Variants in STX18 observed in about 807,000 individuals in gnomAD.
The protein encoded by STX18 is syntaxin 18, also known as syntaxin-18.
A neutral mutation model predicts 50.1 loss-of-function variants in STX18; 40 were observed. The observed-to-expected ratio is 0.80, with a 90% CI of 0.62 to 1.04. The LOEUF (loss-of-function observed/expected upper bound fraction) is 1.04, where lower values mean the gene tolerates loss of function less well. Among genes scored for constraint, STX18 ranks in the 50% least tolerant of loss-of-function variants. STX18 has a pLI of 0.00. For missense variants in STX18, 410 were observed against 415.8 expected (o/e 0.99, Z 0.12); for synonymous variants, 158 against 151.8 (o/e 1.04, Z -0.30).
chr4:4,434,433 G>C (rs952719246), intron 7 of STX18, among the ~76,000 whole-genome samples: 2 of 152,114 alleles, frequency 1.3e-5, no homozygotes, highest in Non-Finnish European at 2.9e-5. Flanking sequence ...CATAGCACTA[G>C]CAATTCAAAC....
chr4:4,482,974 C>T (rs573123698), intron 1 of STX18, among the ~76,000 whole-genome samples: 70 of 152,246 alleles, frequency 4.6e-4, no homozygotes, highest in African/African-American at 1.7e-3. Flanking sequence ...TACGGGACTG[C>T]GGCTTCCAGA....
intron 1 of STX18, chr4:4,499,499 C>T (rs935943693): frequency 8.1e-6 from 8 of 985,266 alleles, no homozygotes; most frequent in Non-Finnish European, 9.6e-6. Flanking sequence ...TGCTTGCCCA[C>T]GTTGTACTGC....
intron 9 of STX18, 30 bp downstream of exon 9, chr4:4,423,488 C>T (rs1181124415): frequency 6.2e-7 from 1 of 1,610,074 alleles, no homozygotes; most frequent in African/African-American, 1.3e-5. Flanking sequence ...TGAGTGAAAA[C>T]ATACAGCTCC....
intron 4 of STX18, 79 bp downstream of exon 4, chr4:4,457,344 T>A (rs1031071964): frequency 1.9e-6 from 3 of 1,560,524 alleles, no homozygotes; most frequent in East Asian, 2.2e-5. Context: ...GATACTACAG[T>A]CTTCAGCTAG....
chr4:4,456,358 A>C (rs1044049219), intron 5 of STX18, among the ~76,000 whole-genome samples: 5 of 152,214 alleles, frequency 3.3e-5, no homozygotes, highest in African/African-American at 1.2e-4. Context: ...TTCTAAAGCT[A>C]GTCTAGAAAT....
In STX18 at chr4:4,420,639, T is replaced by C. The variant is rs1316452737; in HGVS notation, c.912+225A>G. 1 of 556,804 alleles carries C rather than the reference T, an allele frequency of 1.8e-6. No individual in the cohort carries two copies. Among genetic ancestry groups the C allele is most frequent in the African/African-American group, 1.9e-5 (1 of 52,428 alleles). The allele number at this position is 556,804 out of a possible 1,614,324, so 34.5% of individuals were successfully genotyped here. A position where few individuals can be genotyped will look rare whatever the true frequency, so the allele number is the denominator to read the frequency against. On this transcript the variant is annotated intron_variant, in intron 10 of 10. Coordinates refer to ENST00000306200, the MANE Select transcript of STX18 (RefSeq NM_016930.4). This position sits in a 1 kb window ranked among gnomAD's most constrained non-coding sequence, Gnocchi z 4.3. Reference sequence around the variant, plus strand: ...AGTACCCCCACCCACCCTGGATTGCTCCTTTGGAGGCTGGTGAGCCACTGC... The same window carrying C: ...AGTACCCCCACCCACCCTGGATTGCCCCTTTGGAGGCTGGTGAGCCACTGC...
chr4:4,481,414 C>T (rs1297476848), intron 1 of STX18, among the ~76,000 whole-genome samples: 2 of 152,212 alleles, frequency 1.3e-5, no homozygotes. Context: ...ATTAAAGAGA[C>T]TCCAGTAGGT....
At chr4:4,509,070 TA>T (rs1201638101) in intron 1 of STX18, among the ~76,000 whole-genome samples, 1 of 152,230 alleles carries the variant, frequency 6.6e-6, no homozygotes, top group African/African-American at 2.4e-5. Flanking sequence ...TTTCTTTGGA[TA>T]GATACCCACT....
intron 1 of STX18, among the ~76,000 whole-genome samples, chr4:4,512,721 T>C (rs1414435333): frequency 1.3e-5 from 2 of 152,150 alleles, no homozygotes; most frequent in Admixed American, 1.3e-4. Flanking sequence ...ATACACAATA[T>C]CTAAGCTTGA....
In STX18 at chr4:4,420,154, G is replaced by GT. The variant is rs749274938; in HGVS notation, c.913-26dup. The GT allele has an allele frequency of 3.2e-6, 5 of 1,584,488 alleles. No homozygotes were observed. In the Admixed American group the frequency reaches 8.9e-5, roughly 28 times the overall value. On this transcript the variant is annotated intron_variant, in intron 10 of 10. Coordinates refer to ENST00000306200, the MANE Select transcript of STX18 (RefSeq NM_016930.4). This position sits in a 1 kb window ranked among gnomAD's most constrained non-coding sequence, Gnocchi z 4.3. ...CCTGGGCAGGGACGGGAGCACAGGT[G>GT]TTTTTATCACACAGGATTTTGGTTT...
At chr4:4,511,318 A>G (rs1029944618) in intron 1 of STX18, among the ~76,000 whole-genome samples, 1 of 152,248 alleles carries the variant, frequency 6.6e-6, no homozygotes, top group African/African-American at 2.4e-5. Context: ...TCCTTGTGCC[A>G]GCAATGCTTT....
At chr4:4,452,016 C>T (rs925715974) in intron 5 of STX18, among the ~76,000 whole-genome samples, 12 of 152,184 alleles carry the variant, frequency 7.9e-5, no homozygotes, top group Non-Finnish European at 1.5e-4. Context: ...AGTGCTACTC[C>T]AGTGAATATC....
At chr4:4,530,624 A>T (rs909891040) in intron 1 of STX18, among the ~76,000 whole-genome samples, 5 of 152,134 alleles carry the variant, frequency 3.3e-5, no homozygotes, top group African/African-American at 1.2e-4. Context: ...CTGCTGCTGC[A>T]AACTTTGTTT....
At chr4:4,528,066 C>T (rs1327968476) in intron 1 of STX18, among the ~76,000 whole-genome samples, 1 of 152,036 alleles carries the variant, frequency 6.6e-6, no homozygotes, top group Non-Finnish European at 1.5e-5. Context: ...TAGACTTACA[C>T]AGCGGAAAAA....
chr4:4,426,772 A>C (rs28669214), intron 7 of STX18, among the ~76,000 whole-genome samples: 56,633 of 152,054 alleles, frequency 0.37, 15,367 homozygotes, highest in African/African-American at 0.77. Flanking sequence ...ATCCTTGGTC[A>C]AAGTGATCTC....
rs185509520 is a variant in STX18 at position 4,460,559 on chromosome 4, C to A, written c.237-1072G>T. On this transcript the variant is annotated intron_variant, in intron 2 of 10. Transcript: ENST00000306200. ...TCACTCCCAATCACCAGATAAGCAT[C>A]CTCTCCTCCCTTGGAGTCACCCCTA... is the stretch of plus-strand genomic sequence containing the variant. Among the ~76,000 whole-genome samples, 448 of 152,234 alleles carry A rather than the reference C, an allele frequency of 2.9e-3. 3 individuals are homozygous for A. Among genetic ancestry groups the A allele is most frequent in the African/African-American group, 0.01 (431 of 41,530 alleles).
intron 1 of STX18, among the ~76,000 whole-genome samples, chr4:4,501,804 G>A (rs1729474458): frequency 6.6e-6 from 1 of 152,098 alleles, no homozygotes; most frequent in South Asian, 2.1e-4. Context: ...ATTTACTTCT[G>A]GTATTTAAAT....
At chr4:4,489,177 T>A (rs1166917170) in intron 1 of STX18, among the ~76,000 whole-genome samples, 5 of 152,062 alleles carry the variant, frequency 3.3e-5, no homozygotes, top group Non-Finnish European at 7.4e-5. Flanking sequence ...TTCAACTAAG[T>A]GAATGGGAAT....
At chr4:4,440,760 A>T (rs1235447975) in intron 5 of STX18, among the ~76,000 whole-genome samples, 7 of 152,310 alleles carry the variant, frequency 4.6e-5, no homozygotes, top group African/African-American at 9.6e-5. Context: ...TTAACAAAAA[A>T]TTTTTTCAAA....
Sources: allele counts gnomAD v4.1 joint callset (sites outside exome capture counted in the v4.1 genomes callset), GRCh38; gene constraint gnomAD v4.1.1; non-coding constraint Gnocchi (gnomAD v3.1); transcripts MANE v1.5; gene names NCBI Gene and HGNC (gene_info 2026-07-23, HGNC 2026-07-21).